Variants in ANKRD18B observed in about 807,000 individuals in gnomAD.
The protein encoded by ANKRD18B is ankyrin repeat domain 18B.
In ANKRD18B, 75 loss-of-function variants were observed where a neutral mutation model predicts 111.8. That is an observed-to-expected ratio of 0.67 (90% CI 0.56 to 0.81). The LOEUF is 0.81. Among genes scored for constraint, ANKRD18B ranks in the 40% least tolerant of loss-of-function variants. The pLI, the probability that ANKRD18B is intolerant of heterozygous loss-of-function variation, is 0.00. For missense variants in ANKRD18B, 1,038 were observed against 1,225.5 expected, an observed-to-expected ratio of 0.85 and a Z score of 2.28; for synonymous variants, 356 against 417.3, an observed-to-expected ratio of 0.85 and a Z score of 1.79.
intron 12 of ANKRD18B, among the ~76,000 whole-genome samples, chr9:33,554,181 A>AAAAG (rs200436620): frequency 1.3e-3 from 203 of 151,208 alleles, no homozygotes; most frequent in South Asian, 2.3e-3. Context: ...GAAAGAAGGA[A>AAAAG]AAAGAAAGAA....
chr9:33,562,204 T>A (rs963488457), intron 14 of ANKRD18B, among the ~76,000 whole-genome samples: 1 of 151,972 alleles, frequency 6.6e-6, no homozygotes, highest in Non-Finnish European at 1.5e-5. Flanking sequence ...TTTAGTGCCT[T>A]ATGTTTTACT....
intron 9 of ANKRD18B, among the ~76,000 whole-genome samples, chr9:33,541,778 T>G (rs1456252239): frequency 3.3e-5 from 5 of 152,232 alleles, no homozygotes; most frequent in African/African-American, 1.2e-4. Flanking sequence ...TTTTCTAATT[T>G]GTTTTGCTTT....
Position 33,568,868 on chromosome 9 carries a change from A to G in ANKRD18B, c.3152A>G (p.Asn1051Ser), listed in dbSNP as rs1462732324. 19 of 1,550,774 alleles carry G rather than the reference A, an allele frequency of 1.2e-5. No individual in the cohort carries two copies. The highest frequency in any genetic ancestry group is 1.7e-5 in the Non-Finnish European group (19 of 1,146,616). ...CCTACTTCAAACCCACAGACTTCAA[A>G]TAACTGCAAGAACTCCTTGACTGAG... The part of the protein sequence containing the change: ...RIPTSNPQTS[N>S]NCKNSLTEME... Residue 1051 changes from asparagine (N) to serine (S), a missense_variant, in exon 17 of 19, where the codon AAT becomes AGT. By Grantham distance (46) the Asn-to-Ser change is conservative (BLOSUM62 1). Transcript: ENST00000684830.
intron 10 of ANKRD18B, among the ~76,000 whole-genome samples, chr9:33,546,429 A>C (rs1466954466): frequency 6.6e-6 from 1 of 152,138 alleles, no homozygotes; most frequent in Non-Finnish European, 1.5e-5. Flanking sequence ...TTGTTTAATA[A>C]AATATGGTAG....
chr9:33,561,231 C>T (rs572625683), intron 14 of ANKRD18B, among the ~76,000 whole-genome samples: 397 of 152,242 alleles, frequency 2.6e-3, no homozygotes, highest in Non-Finnish European at 3.0e-3. Context: ...AAGATTTGGT[C>T]CTGTGGTGTG....
chr9:33,556,903 A>G (rs1828535507), intron 13 of ANKRD18B, among the ~76,000 whole-genome samples: 1 of 152,216 alleles, frequency 6.6e-6, no homozygotes, highest in African/African-American at 2.4e-5. Context: ...TTTTACAGAA[A>G]TAAATTTTAT....
intron 10 of ANKRD18B, among the ~76,000 whole-genome samples, chr9:33,547,681 AGTGTGTGTGT>A (rs55918212): frequency 0.019 from 2,775 of 146,258 alleles, 51 homozygotes; most frequent in African/African-American, 0.053. Flanking sequence ...AATTCTCTAG[AGTGTGTGTGT>A]GTGTGTGTGT....
At chr9:33,540,767 G>T (rs1292816712) in intron 8 of ANKRD18B, among the ~76,000 whole-genome samples, 1 of 152,058 alleles carries the variant, frequency 6.6e-6, no homozygotes, top group African/African-American at 2.4e-5. Context: ...CTCTGTCGTA[G>T]CTACTCAACC....
chr9:33,546,113 T>C (rs1563903275), intron 10 of ANKRD18B, among the ~76,000 whole-genome samples: 2 of 152,214 alleles, frequency 1.3e-5, no homozygotes, highest in Non-Finnish European at 2.9e-5. Flanking sequence ...CTTTTTTCTA[T>C]ATTCATTTAA....
intron 12 of ANKRD18B, among the ~76,000 whole-genome samples, chr9:33,554,181 AAAAGAAAGAAAG>A (rs200436620): frequency 2.4e-4 from 37 of 151,208 alleles, no homozygotes; most frequent in Admixed American, 4.0e-4. Context: ...GAAAGAAGGA[AAAAGAAAGAAAG>A]AAAGAAAGAA....
intron 5 of ANKRD18B, among the ~76,000 whole-genome samples, chr9:33,535,274 G>GTGTTT (rs908012376): frequency 3.8e-4 from 58 of 151,916 alleles, no homozygotes; most frequent in African/African-American, 1.2e-3. Flanking sequence ...CACAGCTACA[G>GTGTTT]TGTTTTGTTT....
intron 1 of ANKRD18B, chr9:33,528,517 C>A: frequency 4.3e-6 from 2 of 465,130 alleles, no homozygotes; most frequent in Non-Finnish European, 7.5e-6. Context: ...TAAGCTGAAT[C>A]CAAACACCAA....
intron 4 of ANKRD18B, 35 bp downstream of exon 4, chr9:33,533,580 C>G (rs917059768): frequency 1.3e-6 from 2 of 1,524,364 alleles, no homozygotes; most frequent in African/African-American, 2.8e-5. Flanking sequence ...TTCTTTTTTC[C>G]TAAAAACCTG....
rs769746382 is a variant in ANKRD18B, at chr9:33,558,107, A to T, written c.2380A>T (p.Asn794Tyr). The T allele has an allele frequency of 1.1e-5, 18 of 1,611,782 alleles. No individual in the cohort carries two copies. The African/African-American group carries it at 2.3e-4, about 20-fold the overall frequency. The change falls in exon 14 of 19, where the codon AAT becomes TAT. Residue 794 changes from asparagine (N) to tyrosine (Y), a missense_variant. This residue lies in a region of ANKRD18B where 524 missense variants were observed against 677.9 expected (regional missense o/e 0.77). Transcript: ENST00000684830. ...MTINMLNAFA[N>Y]EDFSCHGDLN... Reference sequence around the variant, plus strand: ...AATAAATATGTTAAATGCATTTGCAAATGAAGACTTCAGTTGCCATGGAGA... The same window carrying T: ...AATAAATATGTTAAATGCATTTGCATATGAAGACTTCAGTTGCCATGGAGA...
chr9:33,542,040 T>G (rs996581447), intron 9 of ANKRD18B, among the ~76,000 whole-genome samples: 1 of 151,868 alleles, frequency 6.6e-6, no homozygotes, highest in Admixed American at 6.6e-5. Context: ...TTTAATCTGG[T>G]GAATCTCACT....
intron 11 of ANKRD18B, among the ~76,000 whole-genome samples, chr9:33,549,323 A>G (rs1298883416): frequency 2.0e-5 from 3 of 152,180 alleles, no homozygotes; most frequent in Non-Finnish European, 4.4e-5. Flanking sequence ...GATAAAAGGT[A>G]GAGCTGACAG....
chr9:33,531,265 T>C (rs1172837521), intron 3 of ANKRD18B, among the ~76,000 whole-genome samples: 1 of 152,106 alleles, frequency 6.6e-6, no homozygotes, highest in East Asian at 1.9e-4. Context: ...CAATTTTTAT[T>C]ATGTATATAT....
At chr9:33,534,576 T>C (rs1828168207) in intron 5 of ANKRD18B, 69 bp downstream of exon 5, 6 of 1,439,494 alleles carry the variant, frequency 4.2e-6, no homozygotes, top group Non-Finnish European at 5.5e-6. Context: ...CTATTGCATC[T>C]TATACATTAG....
intron 6 of ANKRD18B, among the ~76,000 whole-genome samples, chr9:33,537,170 G>A (rs935045354): frequency 1.1e-4 from 17 of 151,896 alleles, no homozygotes; most frequent in Middle Eastern, 3.2e-3. Flanking sequence ...CATGGTGGGC[G>A]CCTGTAATCC....
Sources: allele counts gnomAD v4.1 joint callset (sites outside exome capture counted in the v4.1 genomes callset), GRCh38; gene constraint gnomAD v4.1.1; regional missense constraint gnomAD v4.1.1; transcripts MANE v1.5; gene names NCBI Gene and HGNC (gene_info 2026-07-23, HGNC 2026-07-21).